Variants in CSMD1 observed in about 807,000 individuals in gnomAD.
CSMD1 encodes CUB and Sushi multiple domains 1.
In CSMD1, 213 loss-of-function variants were observed where a neutral mutation model predicts 417.5. That is an observed-to-expected ratio of 0.51 (90% CI 0.46 to 0.57). The LOEUF is 0.57. CSMD1 is among the 20% of genes least tolerant of loss of function. The probability of loss-of-function intolerance (pLI) is 0.00; values close to 1 mark genes in which losing one functional copy is unlikely to be tolerated. For synonymous variants in CSMD1, 2,862 were observed against 1,736.8 expected (o/e 1.65, Z -16.11); for missense variants, 6,923 against 4,529.7 (o/e 1.53, Z -15.17).
rs571878812 is a variant in CSMD1 at position 4,293,456 on chromosome 8, T to C, written c.415+126497A>G. 2.0e-5 allele frequency among the ~76,000 whole-genome samples: 3 copies of C among 152,356 alleles called. No individual in the cohort carries two copies. In the South Asian group the frequency reaches 6.2e-4, roughly 32 times the overall value. On this transcript the variant is annotated intron_variant, in intron 3 of 69. Transcript: ENST00000635120. ...TTTAAAAAAATTAATTACACTAATATGTGAAAATTATTATTTATATATCTA... is the reference window on the plus strand; with the variant it reads ...TTTAAAAAAATTAATTACACTAATACGTGAAAATTATTATTTATATATCTA...
chr8:3,749,281 C>A (rs1359972413), intron 6 of CSMD1, among the ~76,000 whole-genome samples: 1 of 152,146 alleles, frequency 6.6e-6, no homozygotes, highest in Non-Finnish European at 1.5e-5. Context: ...AACCACAGCC[C>A]AATATATACA....
intron 21 of CSMD1, among the ~76,000 whole-genome samples, chr8:3,352,569 G>T (rs115810608): frequency 6.6e-6 from 1 of 152,188 alleles, no homozygotes; most frequent in Non-Finnish European, 1.5e-5. Flanking sequence ...GCTGGGCGCG[G>T]TGGCTCACAT....
chr8:4,727,857 T>G lies in CSMD1; in HGVS notation c.86-90299A>C, dbSNP rs556024571. On this transcript the variant is annotated intron_variant, in intron 1 of 69. Coordinates refer to ENST00000635120, the MANE Select transcript of CSMD1 (RefSeq NM_033225.6). ...ATATCTATTATATATACATATTGGA[T>G]ATATATTTAGCTTATATCACCAATA... Among the ~76,000 whole-genome samples the G allele has an allele frequency of 1.7e-4, 26 of 149,228 alleles. No individual in the cohort carries two copies. The South Asian group carries it at 5.4e-3, about 31-fold the overall frequency.
intron 5 of CSMD1, among the ~76,000 whole-genome samples, chr8:3,847,283 T>C (rs1259319073): frequency 6.6e-6 from 1 of 152,116 alleles, no homozygotes; most frequent in Non-Finnish European, 1.5e-5. Context: ...TTTAAGTTAA[T>C]CCAAAGGCAG....
intron 3 of CSMD1, among the ~76,000 whole-genome samples, chr8:4,418,546 T>C (rs1797074896): frequency 6.6e-6 from 1 of 152,190 alleles, no homozygotes; most frequent in African/African-American, 2.4e-5. Flanking sequence ...TTTTCTAAAA[T>C]GTGGAAGCAT....
intron 2 of CSMD1, among the ~76,000 whole-genome samples, chr8:4,552,851 G>C (rs1037905114): frequency 8.5e-5 from 13 of 152,136 alleles, no homozygotes; most frequent in Non-Finnish European, 1.8e-4. Context: ...CTGGATGTTT[G>C]TGAAAATCTA....
chr8:4,438,008 A>T lies in CSMD1; in HGVS notation c.303-17943T>A, dbSNP rs1469425919. Among the ~76,000 whole-genome samples, 5 of 152,244 alleles carry T rather than the reference A, an allele frequency of 3.3e-5. No individual in the cohort carries two copies. In the East Asian group the frequency reaches 9.7e-4, roughly 29 times the overall value. On this transcript the variant is annotated intron_variant, in intron 2 of 69. Transcript: ENST00000635120. ...AACCCAATAAAGTGGTCTGATCTGC[A>T]TTTAAAAGGGGGCATGGAATACTTC...
At chr8:3,436,281 A>G (rs899230431) in intron 12 of CSMD1, among the ~76,000 whole-genome samples, 2 of 152,248 alleles carry the variant, frequency 1.3e-5, no homozygotes, top group South Asian at 2.1e-4. Flanking sequence ...ATAGTAAGAT[A>G]CATCCCATAT....
intron 7 of CSMD1, among the ~76,000 whole-genome samples, chr8:3,694,628 G>C (rs553305656): frequency 1.3e-5 from 2 of 152,144 alleles, no homozygotes; most frequent in African/African-American, 4.8e-5. Flanking sequence ...CCCTGGGCAT[G>C]AGAGGGAGGC....
At chr8:4,126,578 C>A (rs545311674) in intron 3 of CSMD1, among the ~76,000 whole-genome samples, 1 of 152,250 alleles carries the variant, frequency 6.6e-6, no homozygotes, top group Admixed American at 6.5e-5. Flanking sequence ...AGACTGGGGA[C>A]GGGCCACCTT....
At chr8:4,905,784 C>A (rs887484231) in intron 1 of CSMD1, among the ~76,000 whole-genome samples, 2 of 138,610 alleles carry the variant, frequency 1.4e-5, no homozygotes, top group East Asian at 2.4e-4. Context: ...TGTGCCACTG[C>A]ACTCCAGCCT....
At chr8:3,688,829 T>G (rs1358462544) in intron 7 of CSMD1, among the ~76,000 whole-genome samples, 6 of 152,146 alleles carry the variant, frequency 3.9e-5, no homozygotes, top group African/African-American at 1.4e-4. Context: ...TAATAGTGGT[T>G]AATTAACTGA....
intron 3 of CSMD1, among the ~76,000 whole-genome samples, chr8:4,362,104 G>C (rs968087304): frequency 1.1e-4 from 16 of 152,264 alleles, no homozygotes; most frequent in African/African-American, 2.2e-4. Context: ...AATGAGAACA[G>C]AATTACAAAT....
At chr8:3,291,940 T>G (rs1803604382) in intron 25 of CSMD1, among the ~76,000 whole-genome samples, 1 of 152,170 alleles carries the variant, frequency 6.6e-6, no homozygotes, top group African/African-American at 2.4e-5. Flanking sequence ...TTTAGATCTT[T>G]CCTGCTTTCT....
chr8:4,761,962 T>TCTAC (rs539209473), intron 1 of CSMD1, among the ~76,000 whole-genome samples: 186 of 150,142 alleles, frequency 1.2e-3, no homozygotes, highest in African/African-American at 4.3e-3. Flanking sequence ...TATCTATCTA[T>TCTAC]CTAGATTCCC....
At chr8:3,091,346 G>C (rs1470201057) in intron 48 of CSMD1, among the ~76,000 whole-genome samples, 170 bp downstream of exon 48, 3 of 152,022 alleles carry the variant, frequency 2.0e-5, no homozygotes, top group African/African-American at 7.2e-5. Flanking sequence ...TCCTAATGTA[G>C]TTTAGAGGAA....
intron 1 of CSMD1, among the ~76,000 whole-genome samples, chr8:4,903,009 TAATA>T (rs3038343): frequency 0.34 from 48,592 of 144,214 alleles, 8,638 homozygotes; most frequent in African/African-American, 0.47. Context: ...ATAATATTAA[TAATA>T]AATAAATAAA....
intron 5 of CSMD1, among the ~76,000 whole-genome samples, chr8:3,966,923 G>C (rs543560141): frequency 2.6e-5 from 4 of 152,300 alleles, no homozygotes; most frequent in Admixed American, 2.0e-4. Context: ...GAATTAAAAG[G>C]CTGGTCTTTA....
chr8:4,806,247 C>A (rs1798579517), intron 1 of CSMD1, among the ~76,000 whole-genome samples: 1 of 152,166 alleles, frequency 6.6e-6, no homozygotes, highest in South Asian at 2.1e-4. Flanking sequence ...TACTGAGGAT[C>A]ATGCAGTGTG....
Sources: gnomAD v4.1 joint callset for allele counts (sites outside exome capture counted in the v4.1 genomes callset) on GRCh38, gnomAD v4.1.1 for gene constraint, MANE v1.5 for transcripts, NCBI Gene and HGNC (gene_info 2026-07-23, HGNC 2026-07-21) for gene names.